The following MTG2 variants were observed in gnomAD, a reference collection of about 807,000 sequenced individuals.
MTG2 encodes mitochondrial ribosome-associated GTPase 2.
A neutral mutation model predicts 28.6 loss-of-function variants in MTG2; 23 were observed. The ratio of observed to expected loss-of-function variants is 0.80; its 90% CI spans 0.58 to 1.14. MTG2 has a LOEUF of 1.14. Ranked by LOEUF, MTG2 falls within the 50% of genes most tolerant of loss-of-function variation. MTG2 has a pLI of 0.00. For missense variants in MTG2, 539 were observed against 552.0 expected (o/e 0.98, Z 0.24); for synonymous variants, 260 against 251.8 (o/e 1.03, Z -0.31).
At chr20:62,184,630 C>T (rs1238739179) in intron 1 of MTG2, among the ~76,000 whole-genome samples, 1 of 152,156 alleles carries the variant, frequency 6.6e-6, no homozygotes. Context: ...ATGTCCCGGC[C>T]TCCTGCTCCT....
At chr20:62,192,227 A>G (rs1210539518) in intron 1 of MTG2, among the ~76,000 whole-genome samples, 1 of 152,126 alleles carries the variant, frequency 6.6e-6, no homozygotes, top group Non-Finnish European at 1.5e-5. Flanking sequence ...TTGGCTACAC[A>G]TTGGGAGTTC....
At chr20:62,184,097 G>T (rs1005467244) in intron 1 of MTG2, among the ~76,000 whole-genome samples, 2 of 152,238 alleles carry the variant, frequency 1.3e-5, no homozygotes, top group Non-Finnish European at 2.9e-5. Context: ...GGTGGCTCAC[G>T]CCTGTAATCC....
At chr20:62,192,742 C>T (rs1202259907) in intron 1 of MTG2, among the ~76,000 whole-genome samples, 2 of 152,146 alleles carry the variant, frequency 1.3e-5, no homozygotes, top group African/African-American at 4.8e-5. Context: ...GCACCCCTAT[C>T]GCCCCTGTCA....
At chr20:62,186,337 G>C (rs1474163332) in intron 1 of MTG2, among the ~76,000 whole-genome samples, 1 of 152,184 alleles carries the variant, frequency 6.6e-6, no homozygotes, top group Non-Finnish European at 1.5e-5. Context: ...TAGTGAGGTA[G>C]AGGTCTTGAA....
chr20:62,197,593 G>A (rs1170592533), intron 3 of MTG2: 1 of 393,684 alleles, frequency 2.5e-6, no homozygotes, highest in Non-Finnish European at 4.7e-6. Flanking sequence ...TGGGAGTGAA[G>A]CCTTCACAAC....
At chr20:62,196,443 C>T (rs1187457662) in intron 3 of MTG2, among the ~76,000 whole-genome samples, 2 of 151,710 alleles carry the variant, frequency 1.3e-5, no homozygotes, top group Non-Finnish European at 2.9e-5. Flanking sequence ...GAGACCGAGG[C>T]GGGTGGATCG....
intron 1 of MTG2, among the ~76,000 whole-genome samples, chr20:62,189,692 G>T (rs1160570067): frequency 7.2e-6 from 1 of 138,858 alleles, no homozygotes; most frequent in African/African-American, 2.7e-5. Context: ...TTGAGATGGA[G>T]TCTCGCTCTG....
In MTG2 at chr20:62,201,260, G is replaced by A. The variant is rs2058166034; in HGVS notation, c.*183G>A. On this transcript the variant is annotated 3_prime_UTR_variant, in exon 7 of 7. Coordinates refer to ENST00000370823, the MANE Select transcript of MTG2 (RefSeq NM_015666.4). ...GGAAGCATTCCGTGCCCCCTACCCCGCCTGCCCTCCGTATTTCCTGCACCT... is the reference window on the plus strand; with the variant it reads ...GGAAGCATTCCGTGCCCCCTACCCCACCTGCCCTCCGTATTTCCTGCACCT... 1.7e-5 allele frequency: 12 copies of A among 695,444 alleles called. No individual in the cohort carries two copies. Among genetic ancestry groups the A allele is most frequent in the Non-Finnish European group, 2.6e-5 (11 of 428,896 alleles). 43.1% of individuals were successfully genotyped at this position (695,444 alleles called of 1,614,324 possible). A position where few individuals can be genotyped will look rare whatever the true frequency, so the allele number is the denominator to read the frequency against.
Position 62,195,936 on chromosome 20 carries a change from C to T in MTG2, c.339C>T (p.His113=), listed in dbSNP as rs752840422. The T allele has an allele frequency of 5.6e-6, 9 of 1,613,960 alleles. No homozygotes were observed. The highest frequency in any genetic ancestry group is 4.4e-5 in the South Asian group (4 of 91,090). The change falls in exon 3 of 7, where the codon CAC becomes CAT. Residue 113 remains histidine (H), a synonymous_variant. Coordinates refer to ENST00000370823, the MANE Select transcript of MTG2 (RefSeq NM_015666.4). ...GAGGGGACGGAGGCAACGGTGGACA[C>T]GTCATTCTGAGAGGCAGGTGCCCTG... ...PDGGDGGNGG[H]VILRVDQQVK... is the part of the protein sequence containing the mutation.
rs538237137 is a variant in MTG2 at position 62,200,679 on chromosome 20, G to A, written c.827-4G>A. On this transcript the variant is annotated splice_polypyrimidine_tract_variant and splice_region_variant and intron_variant, in intron 6 of 6. Coordinates refer to ENST00000370823, the MANE Select transcript of MTG2 (RefSeq NM_015666.4). ...CACCTCGTGTGCCCCTGTCTTCCCTGCAGTGGCCGACATCCCCGGCATCAT... is the reference window on the plus strand; with the variant it reads ...CACCTCGTGTGCCCCTGTCTTCCCTACAGTGGCCGACATCCCCGGCATCAT... The A allele has an allele frequency of 9.4e-6, 15 of 1,601,370 alleles. No homozygotes were observed. The African/African-American group carries it at 9.4e-5, about 10-fold the overall frequency.
At chr20:62,186,854 TG>T (rs2057860134) in intron 1 of MTG2, among the ~76,000 whole-genome samples, 1 of 152,214 alleles carries the variant, frequency 6.6e-6, no homozygotes, top group Admixed American at 6.5e-5. Context: ...TGTGGAACTC[TG>T]TCCTCTCTTC....
At position 62,202,829 on chromosome 20, in the gene MTG2, A is replaced by C. The variant is rs2058196040; in HGVS notation, c.*1752A>C. On this transcript the variant is annotated 3_prime_UTR_variant, in exon 7 of 7. Coordinates refer to ENST00000370823, the MANE Select transcript of MTG2 (RefSeq NM_015666.4). Reference sequence around the variant, plus strand: ...AGGGGACCCCCAGCCCTTGGAGGAGAGACGGCAGCCTCAGGTGAGATGAGC... The same window carrying C: ...AGGGGACCCCCAGCCCTTGGAGGAGCGACGGCAGCCTCAGGTGAGATGAGC... The C allele has an allele frequency of 6.6e-6, 1 of 151,350 alleles. No homozygotes were observed. Among genetic ancestry groups the C allele is most frequent in the East Asian group, 1.9e-4 (1 of 5,148 alleles). 9.4% of individuals were successfully genotyped at this position (151,350 alleles called of 1,614,324 possible).
rs144895756 is a variant in MTG2 at position 62,195,887 on chromosome 20, G to C, written c.290G>C (p.Arg97Pro). 2.5e-5 allele frequency: 40 copies of C among 1,614,080 alleles called. 1 individual carries two copies. The highest frequency in any genetic ancestry group is 3.4e-5 in the Non-Finnish European group (40 of 1,180,054). Residue 97 changes from arginine to proline, a missense_variant, in exon 3 of 7, where the codon CGC becomes CCC. Arg to Pro is a moderately radical substitution (Grantham distance 103, BLOSUM62 -2). Transcript: ENST00000370823. ...AGASCFHSEPRKEFGGPDGGD... is the reference protein window; with the variant it reads ...AGASCFHSEPPKEFGGPDGGD... ...GCAAGCTGCTTCCACAGTGAGCCCCGCAAGGAGTTTGGAGGCCCTGATGGA... is the reference window on the plus strand; with the variant it reads ...GCAAGCTGCTTCCACAGTGAGCCCCCCAAGGAGTTTGGAGGCCCTGATGGA...
In MTG2 at chr20:62,199,088, GCCGTGCCACCGTCTTCCCTCTTTCCCC is replaced by G. The variant is rs778831476; in HGVS notation, c.688-29_688-3del. ...TGCGCTAACAAAGGTGCTGCCGCGG[GCCGTGCCACCGTCTTCCCTCTTTCCCC>G]CAGGTGGGATTCCCCAACGCCGGGA... On this transcript the variant is annotated splice_region_variant and splice_polypyrimidine_tract_variant and intron_variant, in intron 5 of 6. Coordinates refer to ENST00000370823, the MANE Select transcript of MTG2 (RefSeq NM_015666.4). 1 of 1,612,368 alleles carries G rather than the reference GCCGTGCCACCGTCTTCCCTCTTTCCCC, an allele frequency of 6.2e-7. No homozygotes were observed. The highest frequency in any genetic ancestry group is 1.1e-5 in the South Asian group (1 of 91,038).
intron 1 of MTG2, 44 bp from the exon 2 acceptor site, chr20:62,193,372 A>G: frequency 3.2e-6 from 5 of 1,573,320 alleles, no homozygotes; most frequent in Non-Finnish European, 4.4e-6. Context: ...TTTCATGCCC[A>G]GCATTAAACC....
rs1011493715 is a variant in MTG2 at position 62,193,992 on chromosome 20, C to T, written c.204+368C>T. 3 of 174,354 alleles carry T rather than the reference C, an allele frequency of 1.7e-5. No homozygotes were observed. In the Admixed American group the frequency reaches 1.8e-4, roughly 10 times the overall value. 10.8% of individuals were successfully genotyped at this position (174,354 alleles called of 1,614,324 possible). Reference sequence around the variant, plus strand: ...CGGTGGCTCATGCCTGTTATCCCAACACTTTGGGAGGCTAAGGCAGGCGGA... The same window carrying T: ...CGGTGGCTCATGCCTGTTATCCCAATACTTTGGGAGGCTAAGGCAGGCGGA... On this transcript the variant is annotated intron_variant, in intron 2 of 6. Coordinates refer to ENST00000370823, the MANE Select transcript of MTG2 (RefSeq NM_015666.4).
At chr20:62,196,199 C>G (rs1333390440) in intron 3 of MTG2, among the ~76,000 whole-genome samples, 1 of 146,816 alleles carries the variant, frequency 6.8e-6, no homozygotes, top group Non-Finnish European at 1.5e-5. Flanking sequence ...GTTTGTGGAT[C>G]TACAAAAAAT....
chr20:62,195,905 C>A lies in MTG2; in HGVS notation c.308C>A (p.Pro103His). 6.2e-7 allele frequency: 1 copy of A among 1,614,166 alleles called. No homozygotes were observed. The highest frequency in any genetic ancestry group is 1.1e-5 in the South Asian group (1 of 91,082). ...GAGCCCCGCAAGGAGTTTGGAGGCCCTGATGGAGGGGACGGAGGCAACGGT... is the reference window on the plus strand; with the variant it reads ...GAGCCCCGCAAGGAGTTTGGAGGCCATGATGGAGGGGACGGAGGCAACGGT... ...HSEPRKEFGGPDGGDGGNGGH... is the reference protein window; with the variant it reads ...HSEPRKEFGGHDGGDGGNGGH... The change falls in exon 3 of 7, where the codon CCT becomes CAT. Residue 103 changes from proline to histidine, a missense_variant. By Grantham distance (77) the Pro-to-His change is moderately conservative (BLOSUM62 -2). Coordinates refer to ENST00000370823, the MANE Select transcript of MTG2 (RefSeq NM_015666.4).
chr20:62,188,169 T>C (rs1250961222), intron 1 of MTG2, among the ~76,000 whole-genome samples: 1 of 152,076 alleles, frequency 6.6e-6, no homozygotes. Flanking sequence ...GCATTTCCAT[T>C]ATAATTCAGT....
Sources: allele counts gnomAD v4.1 joint callset (sites outside exome capture counted in the v4.1 genomes callset), GRCh38; gene constraint gnomAD v4.1.1; transcripts MANE v1.5; gene names NCBI Gene and HGNC (gene_info 2026-07-23, HGNC 2026-07-21).